Variants in RCC1 observed in about 807,000 individuals in gnomAD.
The protein encoded by RCC1 is regulator of chromosome condensation 1, also known as regulator of chromosome condensation.
RCC1 carries 11 observed loss-of-function variants against 44.4 expected under a neutral mutation model. That is an observed-to-expected ratio of 0.25 (90% CI 0.16 to 0.41). RCC1 has a LOEUF of 0.41. Ranked by LOEUF, RCC1 falls within the 10% of genes least tolerant of loss-of-function variation. RCC1 has a pLI of 1.00. For synonymous variants in RCC1, 213 were observed against 216.5 expected (o/e 0.98, Z 0.14); for missense variants, 386 against 547.1 (o/e 0.71, Z 2.94).
rs1221483714 is a variant in RCC1 at position 28,538,532 on chromosome 1, A to G, written c.*525A>G. 3 of 152,392 alleles carry G rather than the reference A, an allele frequency of 2.0e-5. No individual in the cohort carries two copies. Among genetic ancestry groups the G allele is most frequent in the Non-Finnish European group, 2.9e-5 (2 of 68,172 alleles). The allele number at this position is 152,392 out of a possible 1,614,324, so 9.4% of individuals were successfully genotyped here. On this transcript the variant is annotated 3_prime_UTR_variant, in exon 13 of 13. Coordinates refer to ENST00000683442, the MANE Select transcript of RCC1 (RefSeq NM_001381865.2). ...CAGAGCTACATGGCTGTGGGCAACTATAAGCCAAATATTTGGCTCAGAACA... is the reference window on the plus strand; with the variant it reads ...CAGAGCTACATGGCTGTGGGCAACTGTAAGCCAAATATTTGGCTCAGAACA...
In RCC1 at chr1:28,536,075, G is replaced by A; in HGVS notation, c.817+49G>A. On this transcript the variant is annotated intron_variant, in intron 10 of 12. Transcript: ENST00000683442. This position sits in a 1 kb window ranked among gnomAD's most constrained non-coding sequence, Gnocchi z 4.9. Reference sequence around the variant, plus strand: ...GCATGACCCAGTGGCCTGCGTTCCTGTCCTGGCTCTGCCACTCATTCATTG... The same window carrying A: ...GCATGACCCAGTGGCCTGCGTTCCTATCCTGGCTCTGCCACTCATTCATTG... 6.4e-7 allele frequency: 1 copy of A among 1,565,110 alleles called. No homozygotes were observed. The highest frequency in any genetic ancestry group is 1.2e-5 in the South Asian group (1 of 83,996).
intron 4 of RCC1, among the ~76,000 whole-genome samples, chr1:28,517,393 A>T (rs947639527): frequency 6.6e-6 from 1 of 151,964 alleles, no homozygotes; most frequent in African/African-American, 2.4e-5. Context: ...GGTCTCTCTC[A>T]TTCCTCTTGC....
rs536243771 is a variant in RCC1, at chr1:28,535,835, G to A, written c.662-36G>A. 19 of 1,597,672 alleles carry A rather than the reference G, an allele frequency of 1.2e-5. No homozygotes were observed. The Admixed American group carries it at 2.0e-4, about 17-fold the overall frequency. ...GGGCAGAGAGAAGCCATGTGTGTCT[G>A]TCTGTCACTGACCGTGGCTTTCCCT... On this transcript the variant is annotated intron_variant, in intron 9 of 12. Transcript: ENST00000683442.
rs145137761 is a variant in RCC1 at position 28,536,216 on chromosome 1, G to A, written c.818-46G>A. ...CTGTGGGAGGAGATTGAGAAGGGCA[G>A]CTCTCAGAACACCTTCACCCCTGAT... On this transcript the variant is annotated intron_variant, in intron 10 of 12. Coordinates refer to ENST00000683442, the MANE Select transcript of RCC1 (RefSeq NM_001381865.2). This position sits in a 1 kb window ranked among gnomAD's most constrained non-coding sequence, Gnocchi z 4.9. The A allele has an allele frequency of 7.2e-4, 1,158 of 1,603,222 alleles. 11 individuals carry two copies. The African/African-American group carries it at 0.014, about 19-fold the overall frequency.
At chr1:28,533,003 C>T (rs942475851) in intron 7 of RCC1, among the ~76,000 whole-genome samples, 7 of 151,876 alleles carry the variant, frequency 4.6e-5, no homozygotes, top group South Asian at 2.1e-4. Context: ...TTAGTAGAGA[C>T]GGGGTTTCCC....
Position 28,538,168 on chromosome 1 carries a change from TTCC to T in RCC1, c.*167_*169del, listed in dbSNP as rs1664673041. 1 of 552,178 alleles carries T rather than the reference TTCC, an allele frequency of 1.8e-6. No individual in the cohort carries two copies. The highest frequency in any genetic ancestry group is 3.0e-6 in the Non-Finnish European group (1 of 334,166). The allele number at this position is 552,178 out of a possible 1,614,324, so 34.2% of individuals were successfully genotyped here. On this transcript the variant is annotated 3_prime_UTR_variant, in exon 13 of 13. Transcript: ENST00000683442. ...GAACAGAATCCTTTTCCTCTTTTCC[TTCC>T]TCCTCTTTGGAATTTTCCTGGGACC...
chr1:28,511,098 C>G (rs953724369), intron 3 of RCC1, among the ~76,000 whole-genome samples: 2 of 152,234 alleles, frequency 1.3e-5, no homozygotes, highest in South Asian at 4.1e-4. Flanking sequence ...TGGCCTTGTT[C>G]TTTGTGTAGG....
intron 1 of RCC1, chr1:28,506,786 C>G (rs1291010806): frequency 6.4e-6 from 1 of 157,226 alleles, no homozygotes; most frequent in Non-Finnish European, 1.4e-5. Flanking sequence ...ACTGCAACCT[C>G]CGCCTGCTGG....
At chr1:28,511,686 T>A (rs2853736) in intron 3 of RCC1, among the ~76,000 whole-genome samples, 8,065 of 150,578 alleles carry the variant, frequency 0.054, 560 homozygotes, top group African/African-American at 0.17. Flanking sequence ...TTTTGAGATC[T>A]AATCTCACTC....
rs148900400 is a variant in RCC1, at chr1:28,537,024, G to A, written c.1090+125G>A. On this transcript the variant is annotated intron_variant, in intron 12 of 12. Coordinates refer to ENST00000683442, the MANE Select transcript of RCC1 (RefSeq NM_001381865.2). ...AGGTACAGAGAGCAGTGTTTGTGAT[G>A]GCACTTTGTTCCTGCTTCTCAGAAG... The A allele has an allele frequency of 4.3e-3, 4,359 of 1,019,372 alleles. 145 individuals are homozygous for A. The Admixed American group carries it at 0.069, about 16-fold the overall frequency. 63.1% of individuals were successfully genotyped at this position (1,019,372 alleles called of 1,614,324 possible). A position where few individuals can be genotyped will look rare whatever the true frequency, so the allele number is the denominator to read the frequency against.
intron 5 of RCC1, chr1:28,530,382 T>C (rs1195031400): frequency 1.4e-6 from 1 of 689,928 alleles, no homozygotes; most frequent in African/African-American, 1.8e-5. Flanking sequence ...GATGAGATAA[T>C]GGCCTGGCAG....
chr1:28,520,077 G>C (rs1258168922), intron 4 of RCC1, among the ~76,000 whole-genome samples: 2 of 152,144 alleles, frequency 1.3e-5, no homozygotes, highest in African/African-American at 4.8e-5. Context: ...CATAGGCCCA[G>C]GCACAGGTTG....
At chr1:28,533,900 C>A (rs571908121) in intron 7 of RCC1, among the ~76,000 whole-genome samples, 1 of 28,550 alleles carries the variant, frequency 3.5e-5, no homozygotes, top group African/African-American at 1.2e-4. Context: ...TTTTTTGAGA[C>A]AGAGTCTTGC....
chr1:28,514,264 C>G (rs558074955), intron 3 of RCC1, among the ~76,000 whole-genome samples: 169 of 151,456 alleles, frequency 1.1e-3, no homozygotes, highest in Non-Finnish European at 2.1e-3. Flanking sequence ...TCTTGGCTAA[C>G]ACGGTGAAAC....
At chr1:28,511,107 G>T (rs772780620) in intron 3 of RCC1, among the ~76,000 whole-genome samples, 1 of 152,126 alleles carries the variant, frequency 6.6e-6, no homozygotes, top group Non-Finnish European at 1.5e-5. Flanking sequence ...TCTTTGTGTA[G>T]GCAGACAGTA....
chr1:28,536,061 TG>T lies in RCC1; in HGVS notation c.817+37del, dbSNP rs764697790. 2.5e-6 allele frequency: 4 copies of T among 1,579,270 alleles called. No homozygotes were observed. The highest frequency in any genetic ancestry group is 2.3e-5 in the South Asian group (2 of 86,576). On this transcript the variant is annotated intron_variant, in intron 10 of 12. Coordinates refer to ENST00000683442, the MANE Select transcript of RCC1 (RefSeq NM_001381865.2). This position sits in a 1 kb window ranked among gnomAD's most constrained non-coding sequence, Gnocchi z 4.9. The stretch of plus-strand genomic sequence containing the variant: ...GAGCCCAGCTTCAGGCATGACCCAG[TG>T]GCCTGCGTTCCTGTCCTGGCTCTGC...
At chr1:28,521,786 T>C (rs2124632051) in intron 4 of RCC1, among the ~76,000 whole-genome samples, 2 of 152,322 alleles carry the variant, frequency 1.3e-5, no homozygotes, top group South Asian at 4.1e-4. Context: ...GCTTCTGCTC[T>C]CTGCTTCTTG....
intron 4 of RCC1, among the ~76,000 whole-genome samples, chr1:28,519,739 AT>A (rs759961595): frequency 2.7e-3 from 379 of 139,014 alleles, no homozygotes; most frequent in Admixed American, 2.3e-3. Context: ...TAATTTTTGT[AT>A]TTTTTTTTTT....
chr1:28,523,088 G>A (rs547162879), intron 4 of RCC1, among the ~76,000 whole-genome samples: 9 of 140,364 alleles, frequency 6.4e-5, no homozygotes, highest in African/African-American at 2.4e-4. Context: ...CTGGAGTGCA[G>A]TGGCGTGATC....
Sources: gnomAD v4.1 joint callset for allele counts (sites outside exome capture counted in the v4.1 genomes callset) on GRCh38, gnomAD v4.1.1 for gene constraint, Gnocchi (gnomAD v3.1) non-coding constraint, MANE v1.5 for transcripts, NCBI Gene and HGNC (gene_info 2026-07-23, HGNC 2026-07-21) for gene names.